Variants in KCNH4 observed in about 807,000 individuals in gnomAD.
KCNH4 encodes the protein voltage-gated delayed rectifier potassium channel KCNH4.
KCNH4 carries 33 observed loss-of-function variants against 90.7 expected under a neutral mutation model. The ratio of observed to expected loss-of-function variants is 0.36; its 90% confidence interval spans 0.28 to 0.49. The LOEUF (loss-of-function observed/expected upper bound fraction) is 0.49. Ranked by LOEUF, KCNH4 falls within the 20% of genes least tolerant of loss-of-function variation. The probability of loss-of-function intolerance (pLI) is 0.98; values close to 1 mark genes in which losing one functional copy is unlikely to be tolerated. For missense variants in KCNH4, 1,044 were observed against 1,387.1 expected, an observed-to-expected ratio of 0.75 and a Z score of 3.93; for synonymous variants, 551 against 581.7, an observed-to-expected ratio of 0.95 and a Z score of 0.76.
In KCNH4 at chr17:42,179,022, G is replaced by A. The variant is rs1333772203; in HGVS notation, c.81C>T (p.Ser27=). 1.4e-5 allele frequency: 23 copies of A among 1,612,176 alleles called. No homozygotes were observed. Among genetic ancestry groups the A allele is most frequent in the Non-Finnish European group, 1.9e-5 (22 of 1,178,450 alleles). The change falls in exon 2 of 17, where the codon AGC becomes AGT. Residue 27 remains serine, a synonymous_variant. Transcript: ENST00000264661. ...TIATRFDGTH[S]NFLLANAQGT... is the part of the protein sequence containing the mutation. ...CCTGTGCGTTGGCCAGCAGGAAGTT[G>A]CTGTCTGTGGGAAGAAGAGGTCAAG...
At position 42,181,139 on chromosome 17, in the gene KCNH4, G is replaced by T. The variant is rs989485066; in HGVS notation, c.-194C>A. The T allele has an allele frequency of 3.7e-6, 2 of 540,684 alleles. No homozygotes were observed. Among genetic ancestry groups the T allele is most frequent in the Non-Finnish European group, 6.5e-6 (2 of 309,196 alleles). The allele number at this position is 540,684 out of a possible 1,614,324, so 33.5% of individuals were successfully genotyped here. A position where few individuals can be genotyped will look rare whatever the true frequency, so the allele number is the denominator to read the frequency against. On this transcript the variant is annotated 5_prime_UTR_variant, in exon 1 of 17. Coordinates refer to ENST00000264661, the MANE Select transcript of KCNH4 (RefSeq NM_012285.3). ...TCTCGGCTCGGCTCAGCGCCGTTTC[G>T]GTCCCCCCCACCTCCCCACGGGCCA...
At chr17:42,168,066 G>T (rs1194313732) in intron 9 of KCNH4, among the ~76,000 whole-genome samples, 1 of 152,012 alleles carries the variant, frequency 6.6e-6, no homozygotes, top group Non-Finnish European at 1.5e-5. Flanking sequence ...TTTCTACCTG[G>T]CATTGCCACC....
chr17:42,180,871 C>T lies in KCNH4; in HGVS notation c.75G>A (p.Thr25=), dbSNP rs1325331801. 1 of 1,613,714 alleles carries T rather than the reference C, an allele frequency of 6.2e-7. No homozygotes were observed. Among genetic ancestry groups the T allele is most frequent in the Non-Finnish European group, 8.5e-7 (1 of 1,179,856 alleles). ...LDTIATRFDG[T]HSNFLLANAQ... ...AGCCCCGACCTCCGTCCCACTCACGCGTTCCGTCAAAACGGGTGGCGATGG... is the reference window on the plus strand; with the variant it reads ...AGCCCCGACCTCCGTCCCACTCACGTGTTCCGTCAAAACGGGTGGCGATGG... The change falls in exon 1 of 17, where the codon ACG becomes ACA. Residue 25 remains threonine, a splice_region_variant and synonymous_variant. Coordinates refer to ENST00000264661, the MANE Select transcript of KCNH4 (RefSeq NM_012285.3). This position sits in a 1 kb window ranked among gnomAD's most constrained non-coding sequence, Gnocchi z 4.7.
At chr17:42,174,637 A>T (rs2079849583) in intron 6 of KCNH4, among the ~76,000 whole-genome samples, 1 of 152,070 alleles carries the variant, frequency 6.6e-6, no homozygotes, top group Non-Finnish European at 1.5e-5. Context: ...GGGAGAGAGC[A>T]CACAAGGAAA....
At position 42,180,560 on chromosome 17, in the gene KCNH4, G is replaced by A. The variant is rs1317514738; in HGVS notation, c.76+310C>T. 6.6e-6 allele frequency among the ~76,000 whole-genome samples: 1 copy of A among 151,096 alleles called. No homozygotes were observed. Among genetic ancestry groups the A allele is most frequent in the Non-Finnish European group, 1.5e-5 (1 of 67,762 alleles). On this transcript the variant is annotated intron_variant, in intron 1 of 16. Coordinates refer to ENST00000264661, the MANE Select transcript of KCNH4 (RefSeq NM_012285.3). The surrounding 1 kb of genome is among the most constrained non-coding windows in gnomAD (Gnocchi z 4.7). ...CTGTGTCTCGGATACCCCCATACAC[G>A]CCCCCAGCACAGCTCTGCCCGAGAG...
Position 42,169,613 on chromosome 17 carries a change from C to T in KCNH4, c.1454G>A (p.Arg485His), listed in dbSNP as rs770352849. 9 of 1,613,834 alleles carry T rather than the reference C, an allele frequency of 5.6e-6. No individual in the cohort carries two copies. The highest frequency in any genetic ancestry group is 2.2e-5 in the South Asian group (2 of 91,092). ...CTTCATGCGGCTGTGGTAGAGCGAG[C>T]GGCGCGAGTACATGCGCTGGATGAT... Reference protein sequence around the residue: ...TAIIQRMYSRRSLYHSRMKDL... With the variant: ...TAIIQRMYSRHSLYHSRMKDL... The change falls in exon 9 of 17, where the codon CGC becomes CAC. Residue 485 changes from arginine (R) to histidine (H), a missense_variant. Around this residue, in one of 4 missense-constraint regions of KCNH4, gnomAD observed 318 missense variants for 479.6 expected, o/e 0.66. Coordinates refer to ENST00000264661, the MANE Select transcript of KCNH4 (RefSeq NM_012285.3).
At chr17:42,160,920 CTTTTTTTT>C (rs57677761) in intron 15 of KCNH4, among the ~76,000 whole-genome samples, 28 of 73,408 alleles carry the variant, frequency 3.8e-4, no homozygotes, top group East Asian at 2.4e-3. Flanking sequence ...TTTTCTTTTT[CTTTTTTTT>C]TTTTTTTTTT....
At position 42,178,954 on chromosome 17, in the gene KCNH4, C is replaced by T. The variant is rs2079882805; in HGVS notation, c.149G>A (p.Cys50Tyr). ...GGTGCGACCGTAGCCTGTGAGCTCG[C>T]AGAAGCCGTCGGAGCAGTAGACGAT... ...FPIVYCSDGFCELTGYGRTEV... is the reference protein window; with the variant it reads ...FPIVYCSDGFYELTGYGRTEV... The change falls in exon 2 of 17, where the codon TGC (cysteine) becomes TAC (tyrosine). Residue 50 changes from cysteine (C) to tyrosine (Y), a missense_variant. Physicochemically the swap from Cys to Tyr is radical, Grantham distance 194. This residue lies in a region of KCNH4 where 283 missense variants were observed against 378.6 expected (regional missense o/e 0.75). Transcript: ENST00000264661. The T allele has an allele frequency of 6.2e-7, 1 of 1,614,108 alleles. No individual in the cohort carries two copies. Among genetic ancestry groups the T allele is most frequent in the Non-Finnish European group, 8.5e-7 (1 of 1,180,062 alleles).
At position 42,163,509 on chromosome 17, in the gene KCNH4, G is replaced by A. The variant is rs866248555; in HGVS notation, c.2477+97C>T. ...GTGCGGTGGGCACACGGGCAGAGAC[G>A]GAATGTAGCACTGTTTGGAACGCCA... On this transcript the variant is annotated intron_variant, in intron 13 of 16. Transcript: ENST00000264661. This position sits in a 1 kb window ranked among gnomAD's most constrained non-coding sequence, Gnocchi z 5.4. 7 of 755,508 alleles carry A rather than the reference G, an allele frequency of 9.3e-6. No homozygotes were observed. The Admixed American group carries it at 1.3e-4, about 14-fold the overall frequency. 46.8% of individuals were successfully genotyped at this position (755,508 alleles called of 1,614,324 possible).
intron 14 of KCNH4, among the ~76,000 whole-genome samples, chr17:42,162,750 G>A (rs779562540): frequency 6.6e-6 from 1 of 151,924 alleles, no homozygotes; most frequent in Non-Finnish European, 1.5e-5. Flanking sequence ...GCACCACCAC[G>A]CCTGGCTAAT....
intron 14 of KCNH4, among the ~76,000 whole-genome samples, chr17:42,162,787 T>A (rs996345675): frequency 6.6e-6 from 1 of 152,058 alleles, no homozygotes; most frequent in Non-Finnish European, 1.5e-5. Flanking sequence ...GAGATGGGGT[T>A]TTGCCATATT....
intron 6 of KCNH4, among the ~76,000 whole-genome samples, chr17:42,173,069 C>T (rs1050766319): frequency 1.3e-5 from 2 of 151,702 alleles, no homozygotes; most frequent in African/African-American, 2.4e-5. Context: ...CCCATATTCA[C>T]TAATATTACC....
chr17:42,160,422 T>C lies in KCNH4; in HGVS notation c.2672A>G (p.Asn891Ser). Residue 891 changes from asparagine (N) to serine (S), a missense_variant, in exon 16 of 17, where the codon AAT becomes AGT. Transcript: ENST00000264661. Reference sequence around the variant, plus strand: ...CCGGCTAAGCTGAGACACCTCCTGATTGAGACGAGAGATCTGTTGAAAACA... The same window carrying C: ...CCGGCTAAGCTGAGACACCTCCTGACTGAGACGAGAGATCTGTTGAAAACA... ...CRLNQEISRLNQEVSQLSREL... is the reference protein window; with the variant it reads ...CRLNQEISRLSQEVSQLSREL... 6.2e-7 allele frequency: 1 copy of C among 1,601,502 alleles called. No individual in the cohort carries two copies. Among genetic ancestry groups the C allele is most frequent in the Non-Finnish European group, 8.5e-7 (1 of 1,171,526 alleles).
At chr17:42,169,828 G>C in intron 8 of KCNH4, 152 bp from the exon 9 acceptor site, 1 of 784,474 alleles carries the variant, frequency 1.3e-6, no homozygotes, top group East Asian at 2.7e-5. Flanking sequence ...AATAGGGAGT[G>C]GTCCAGAGAT....
At position 42,178,828 on chromosome 17, in the gene KCNH4, T is replaced by C. The variant is rs376580801; in HGVS notation, c.275A>G (p.Glu92Gly). The stretch of plus-strand genomic sequence containing the variant: ...GTAGAAGCAGATTTCAGCCCGGTGC[T>C]CCTGGTGGCCCTCCAGGGCTTTGTG... ...RLHKALEGHQ[E>G]HRAEICFYRK... Residue 92 changes from glutamate to glycine, a missense_variant, in exon 2 of 17, where the codon GAG becomes GGG. Physicochemically the swap from Glu to Gly is moderately conservative, Grantham distance 98 (BLOSUM62 -2). Around this residue, in one of 4 missense-constraint regions of KCNH4, gnomAD observed 283 missense variants for 378.6 expected, o/e 0.75. Transcript: ENST00000264661. 2.0e-5 allele frequency: 33 copies of C among 1,613,854 alleles called. No homozygotes were observed. In the African/African-American group the frequency reaches 4.1e-4, roughly 20 times the overall value.
In KCNH4 at chr17:42,181,027, C is replaced by T. The variant is rs899596795; in HGVS notation, c.-82G>A. The T allele has an allele frequency of 7.8e-7, 1 of 1,278,854 alleles. No individual in the cohort carries two copies. The highest frequency in any genetic ancestry group is 1.1e-6 in the Non-Finnish European group (1 of 915,196). 79.2% of individuals were successfully genotyped at this position (1,278,854 alleles called of 1,614,324 possible). A position where few individuals can be genotyped will look rare whatever the true frequency, so the allele number is the denominator to read the frequency against. On this transcript the variant is annotated 5_prime_UTR_variant, in exon 1 of 17. Transcript: ENST00000264661. ...CGGAGGGGGCGCGCTGTCGGAGGGGCCGGGGCGCCCCATGCGCCCTCCTGC... is the reference window on the plus strand; with the variant it reads ...CGGAGGGGGCGCGCTGTCGGAGGGGTCGGGGCGCCCCATGCGCCCTCCTGC...
chr17:42,168,957 G>C (rs1322958079), intron 9 of KCNH4, among the ~76,000 whole-genome samples: 1 of 152,068 alleles, frequency 6.6e-6, no homozygotes, highest in Admixed American at 6.5e-5. Context: ...ATTTTTAGTA[G>C]AGATGGGGTT....
intron 6 of KCNH4, among the ~76,000 whole-genome samples, chr17:42,174,835 C>G (rs1418252671): frequency 1.3e-5 from 2 of 152,132 alleles, no homozygotes; most frequent in African/African-American, 4.8e-5. Flanking sequence ...TCTGAATTCA[C>G]CCCACAGCCT....
chr17:42,168,841 G>A (rs1283314396), intron 9 of KCNH4, among the ~76,000 whole-genome samples: 1 of 150,670 alleles, frequency 6.6e-6, no homozygotes, highest in Non-Finnish European at 1.5e-5. Context: ...GCACAATTTC[G>A]GCTCACTGCA....
Sources: gnomAD v4.1 joint callset for allele counts (sites outside exome capture counted in the v4.1 genomes callset) on GRCh38, gnomAD v4.1.1 for gene constraint, gnomAD v4.1.1 regional missense constraint, Gnocchi (gnomAD v3.1) non-coding constraint, MANE v1.5 for transcripts, NCBI Gene and HGNC (gene_info 2026-07-23, HGNC 2026-07-21) for gene names.